TASOR2: variants seen among roughly 807,000 people sequenced by gnomAD.
TASOR2 encodes the protein protein TASOR 2.
TASOR2 carries 84 observed loss-of-function variants against 199.5 expected under a neutral mutation model. The observed-to-expected ratio is 0.42, with a 90% CI of 0.35 to 0.50. The LOEUF is 0.50. Ranked by LOEUF, TASOR2 falls within the 20% of genes least tolerant of loss-of-function variation. The pLI, the probability that TASOR2 is intolerant of heterozygous loss-of-function variation, is 0.02. For synonymous variants in TASOR2, 1,103 were observed against 1,046.6 expected, an observed-to-expected ratio of 1.05 and a Z score of -1.04; for missense variants, 2,796 against 2,835.9, an observed-to-expected ratio of 0.99 and a Z score of 0.32.
intron 12 of TASOR2, among the ~76,000 whole-genome samples, chr10:5,739,196 G>A (rs1836026666): frequency 6.6e-6 from 1 of 152,162 alleles, no homozygotes; most frequent in South Asian, 2.1e-4. Context: ...CTACATTCCT[G>A]TCCTTATTAG....
chr10:5,735,694 TAAACTGG>T (rs1174063096), intron 12 of TASOR2, 148 bp downstream of exon 13: 1 of 1,007,874 alleles, frequency 9.9e-7, no homozygotes, highest in African/African-American at 1.7e-5. Flanking sequence ...AAAAACTAAG[TAAACTGG>T]TTTCCTAATG....
chr10:5,718,732 C>T (rs1657658732), intron 3 of TASOR2, among the ~76,000 whole-genome samples: 1 of 148,530 alleles, frequency 6.7e-6, no homozygotes, highest in African/African-American at 2.5e-5. Context: ...GCACTCCATC[C>T]TGGGTAACAA....
chr10:5,757,499 G>C (rs1201716694), intron 16 of TASOR2, 21 bp from the exon 18 acceptor site: 1 of 1,582,082 alleles, frequency 6.3e-7, no homozygotes, highest in African/African-American at 1.4e-5. Context: ...TCTTCACCGG[G>C]GTCCTTTTTG....
intron 16 of TASOR2, among the ~76,000 whole-genome samples, chr10:5,757,148 C>T (rs1839077581): frequency 6.6e-6 from 1 of 152,196 alleles, no homozygotes; most frequent in Non-Finnish European, 1.5e-5. Flanking sequence ...ATAAACCTGC[C>T]GTCATCAGCA....
intron 1 of TASOR2, among the ~76,000 whole-genome samples, chr10:5,694,788 G>T (rs914463616): frequency 3.3e-5 from 5 of 152,178 alleles, no homozygotes; most frequent in Non-Finnish European, 7.3e-5. Context: ...CCTTTTGACA[G>T]TCTGACATGT....
In TASOR2 at chr10:5,719,475, T is replaced by C. The variant is rs1345804711; in HGVS notation, c.-99-1069T>C. Reference sequence around the variant, plus strand: ...TTCCTACCTCAGCCTCCCAAGTGGCTGGGACTACAGGCGCGCGCTACCACA... The same window carrying C: ...TTCCTACCTCAGCCTCCCAAGTGGCCGGGACTACAGGCGCGCGCTACCACA... On this transcript the variant is annotated intron_variant, in intron 3 of 20. Transcript: ENST00000328090. This position sits in a 1 kb window ranked among gnomAD's most constrained non-coding sequence, Gnocchi z 4.1. Among the ~76,000 whole-genome samples the C allele has an allele frequency of 6.6e-6, 1 of 152,132 alleles. No individual in the cohort carries two copies. The highest frequency in any genetic ancestry group is 6.5e-5 in the Admixed American group (1 of 15,278).
At chr10:5,761,044 T>A (rs905526660) in intron 18 of TASOR2, 2 of 366,480 alleles carry the variant, frequency 5.5e-6, no homozygotes, top group African/African-American at 4.2e-5. Context: ...CCAAGCCACA[T>A]GGCTTGATTG....
rs1564359981 is a variant in TASOR2, at chr10:5,750,034, T to C, written c.6606+7T>C. 5 of 1,580,498 alleles carry C rather than the reference T, an allele frequency of 3.2e-6. No homozygotes were observed. The highest frequency in any genetic ancestry group is 4.3e-6 in the Non-Finnish European group (5 of 1,163,714). Reference sequence around the variant, plus strand: ...ATTCTTTGTAAGAACAAAGGTAAAGTGCCAGCCACGTCTTACGTATTATTT... The same window carrying C: ...ATTCTTTGTAAGAACAAAGGTAAAGCGCCAGCCACGTCTTACGTATTATTT... On this transcript the variant is annotated splice_region_variant and intron_variant, in intron 15 of 20. Coordinates refer to ENST00000328090, the Ensembl canonical transcript of TASOR2. The surrounding 1 kb of genome is among the most constrained non-coding windows in gnomAD (Gnocchi z 5.4).
chr10:5,748,307 T>A lies in TASOR2; in HGVS notation c.4886T>A (p.Ile1629Asn). ...GGTGATTTGAAAACAGATGAAGGCA[T>A]TTATCTGCAGGTGAAGTCCTTGACA... The change falls in exon 15 of 21, where the codon ATT becomes AAT. Residue 1629 changes from isoleucine (I) to asparagine (N), a missense_variant. This residue lies in a region of TASOR2 where 1,941 missense variants were observed against 1,924.9 expected (regional missense o/e 1.01). Transcript: ENST00000328090. The surrounding 1 kb of genome is among the most constrained non-coding windows in gnomAD (Gnocchi z 5.1). 1 of 1,614,214 alleles carries A rather than the reference T, an allele frequency of 6.2e-7. No individual in the cohort carries two copies.
intron 16 of TASOR2, 27 bp from the exon 18 acceptor site, chr10:5,757,493 C>T (rs1268455396): frequency 6.3e-7 from 1 of 1,579,040 alleles, no homozygotes; most frequent in Non-Finnish European, 8.6e-7. Context: ...AGCCTCTCTT[C>T]ACCGGGGTCC....
intron 1 of TASOR2, among the ~76,000 whole-genome samples, chr10:5,707,361 C>T (rs1422978836): frequency 6.6e-6 from 1 of 152,102 alleles, no homozygotes; most frequent in Non-Finnish European, 1.5e-5. Flanking sequence ...GAGGCAGCCC[C>T]CAGGTTAGTT....
chr10:5,729,471 C>G (rs886668057), intron 10 of TASOR2, among the ~76,000 whole-genome samples: 2 of 152,194 alleles, frequency 1.3e-5, no homozygotes, highest in African/African-American at 4.8e-5. Context: ...GAGGCTGAGG[C>G]AGGTAGATCA....
At chr10:5,724,918 GA>G in intron 8 of TASOR2, among the ~76,000 whole-genome samples, 3 of 152,004 alleles carry the variant, frequency 2.0e-5, no homozygotes, top group Admixed American at 2.0e-4. Flanking sequence ...TAATAAAATG[GA>G]ATAGTTACAA....
chr10:5,712,424 C>T, intron 1 of TASOR2: 4 of 1,231,694 alleles, frequency 3.2e-6, no homozygotes, highest in Non-Finnish European at 4.1e-6. Context: ...AGTTCAGACT[C>T]TCTCTTCCAG....
In TASOR2 at chr10:5,749,836, T is replaced by G. The variant is rs750057678; in HGVS notation, c.6415T>G (p.Ser2139Ala). 20 of 1,614,054 alleles carry G rather than the reference T, an allele frequency of 1.2e-5. No individual in the cohort carries two copies. Among genetic ancestry groups the G allele is most frequent in the Non-Finnish European group, 1.7e-5 (20 of 1,180,032 alleles). ...CCAAGACAAAGAGCTAAATGATGTT[T>G]CTGGAGAAGCCACTGCTCAAGAGAT... Residue 2139 changes from serine to alanine, a missense_variant, in exon 15 of 21, where the codon TCT (serine) becomes GCT (alanine). By Grantham distance (99) the Ser-to-Ala change is moderately conservative. Around this residue, in one of 3 missense-constraint regions of TASOR2, gnomAD observed 1,941 missense variants for 1,924.9 expected, o/e 1.01. Coordinates refer to ENST00000328090, the Ensembl canonical transcript of TASOR2.
rs1203673191 is a variant in TASOR2, at chr10:5,719,932, TG to T, written c.-99-610del. Among the ~76,000 whole-genome samples, 1 of 152,178 alleles carries T rather than the reference TG, an allele frequency of 6.6e-6. No individual in the cohort carries two copies. Among genetic ancestry groups the T allele is most frequent in the Non-Finnish European group, 1.5e-5 (1 of 68,028 alleles). On this transcript the variant is annotated intron_variant, in intron 3 of 20. Transcript: ENST00000328090. The surrounding 1 kb of genome is among the most constrained non-coding windows in gnomAD (Gnocchi z 4.1). ...CATTCAGTGACCGTAACATAAAAGA[TG>T]GTGGGCTATAGTTTTTCTTTTAAGG...
intron 2 of TASOR2, among the ~76,000 whole-genome samples, chr10:5,715,260 A>G (rs1048307044): frequency 1.3e-5 from 2 of 151,656 alleles, no homozygotes; most frequent in African/African-American, 4.9e-5. Flanking sequence ...ATTGAGATAT[A>G]ATTCACAATT....
chr10:5,733,337 G>C (rs149621482), intron 11 of TASOR2, among the ~76,000 whole-genome samples: 1 of 151,998 alleles, frequency 6.6e-6, no homozygotes, highest in Non-Finnish European at 1.5e-5. Context: ...GTGAAACCCC[G>C]TCTCTACTAA....
intron 1 of TASOR2, among the ~76,000 whole-genome samples, chr10:5,709,274 C>A (rs191486416): frequency 2.4e-4 from 36 of 151,890 alleles, no homozygotes; most frequent in African/African-American, 8.5e-4. Context: ...AAGGCAAAAG[C>A]GATTAAGCAT....
Sources: allele counts gnomAD v4.1 joint callset (sites outside exome capture counted in the v4.1 genomes callset), GRCh38; gene constraint gnomAD v4.1.1; regional missense constraint gnomAD v4.1.1; non-coding constraint Gnocchi (gnomAD v3.1); transcripts MANE v1.5; gene names NCBI Gene and HGNC (gene_info 2026-07-23, HGNC 2026-07-21).